FAM184B: variants seen among roughly 807,000 people sequenced by gnomAD.
FAM184B encodes the protein family with sequence similarity 184 member B.
A neutral mutation model predicts 135.9 loss-of-function variants in FAM184B; 111 were observed. The ratio of observed to expected loss-of-function variants is 0.82; its 90% CI spans 0.70 to 0.96. The LOEUF (loss-of-function observed/expected upper bound fraction) is 0.96. Ranked by LOEUF, FAM184B falls within the 40% of genes least tolerant of loss-of-function variation. FAM184B has a pLI of 0.00. For missense variants in FAM184B, 1,375 were observed against 1,323.9 expected (o/e 1.04, Z -0.60); for synonymous variants, 552 against 524.8 (o/e 1.05, Z -0.71).
intron 1 of FAM184B, among the ~76,000 whole-genome samples, chr4:17,755,034 A>AT (rs1432305214): frequency 2.0e-5 from 3 of 151,872 alleles, no homozygotes; most frequent in African/African-American, 7.3e-5. Context: ...CTAATTTTTA[A>AT]TTTTTTTGTA....
At chr4:17,655,686 C>T (rs995921361) in intron 10 of FAM184B, among the ~76,000 whole-genome samples, 2 of 152,194 alleles carry the variant, frequency 1.3e-5, no homozygotes, top group African/African-American at 2.4e-5. Flanking sequence ...TAGAGGTAAG[C>T]TACGTAAGGA....
In FAM184B at chr4:17,629,623, T is replaced by C. The variant is rs1714866244; in HGVS notation, c.*2909A>G. The C allele has an allele frequency of 6.6e-6, 1 of 152,196 alleles. No individual in the cohort carries two copies. The highest frequency in any genetic ancestry group is 1.5e-5 in the Non-Finnish European group (1 of 68,036). The allele number at this position is 152,196 out of a possible 1,614,324, so 9.4% of individuals were successfully genotyped here. On this transcript the variant is annotated 3_prime_UTR_variant, in exon 18 of 18. Coordinates refer to ENST00000265018, the MANE Select transcript of FAM184B (RefSeq NM_015688.2). ...CTGTCATAATACAGCCTGAAGAGAT[T>C]TACCATTAAATACTGTTTTTTTCTC...
Position 17,706,026 on chromosome 4 carries a change from G to A in FAM184B, c.1031-135C>T, listed in dbSNP as rs758197190. 3.4e-6 allele frequency: 4 copies of A among 1,193,636 alleles called. No individual in the cohort carries two copies. In the Admixed American group the frequency reaches 6.7e-5, roughly 20 times the overall value. 73.9% of individuals were successfully genotyped at this position (1,193,636 alleles called of 1,614,324 possible). The stretch of plus-strand genomic sequence containing the variant: ...TCCCCTGTGTAATTCCTGCCCTGTG[G>A]TCTGCTGACCCCGAAGCATGGTCAA... On this transcript the variant is annotated intron_variant, in intron 3 of 17. Transcript: ENST00000265018.
At chr4:17,720,251 G>A (rs1717489643) in intron 1 of FAM184B, among the ~76,000 whole-genome samples, 2 of 152,102 alleles carry the variant, frequency 1.3e-5, no homozygotes, top group African/African-American at 4.8e-5. Context: ...CTTGGATATT[G>A]AACCTGCAGC....
intron 1 of FAM184B, among the ~76,000 whole-genome samples, chr4:17,763,621 T>G (rs1162558078): frequency 2.6e-5 from 4 of 152,220 alleles, no homozygotes; most frequent in Non-Finnish European, 5.9e-5. Context: ...GGCTCTTGTC[T>G]GCTGTATTAA....
Position 17,637,217 on chromosome 4 carries a change from C to T in FAM184B, c.2667-572G>A, listed in dbSNP as rs570610436. Among the ~76,000 whole-genome samples the T allele has an allele frequency of 3.9e-5, 6 of 152,276 alleles. No homozygotes were observed. In the East Asian group the frequency reaches 1.2e-3, roughly 29 times the overall value. On this transcript the variant is annotated intron_variant, in intron 14 of 17. Coordinates refer to ENST00000265018, the MANE Select transcript of FAM184B (RefSeq NM_015688.2). ...GAAATTTTTGTATTTTTAGAGGAGA[C>T]GGGGTTTCACTATGTTGGCCAGGCT... is the stretch of plus-strand genomic sequence containing the variant.
At chr4:17,727,748 G>A (rs1025115481) in intron 1 of FAM184B, among the ~76,000 whole-genome samples, 1 of 152,252 alleles carries the variant, frequency 6.6e-6, no homozygotes. Flanking sequence ...TTCCCACCAA[G>A]TCCTTCCCTT....
intron 7 of FAM184B, among the ~76,000 whole-genome samples, chr4:17,685,803 C>G (rs1234657697): frequency 6.6e-6 from 1 of 152,042 alleles, no homozygotes; most frequent in African/African-American, 2.4e-5. Context: ...CCACACACCC[C>G]GCCAAAACAA....
intron 9 of FAM184B, among the ~76,000 whole-genome samples, chr4:17,659,729 G>GC (rs751324283): frequency 1.4e-4 from 22 of 152,150 alleles, no homozygotes; most frequent in African/African-American, 2.2e-4. Flanking sequence ...CAAGTGATCT[G>GC]CCCCCCTCGG....
intron 14 of FAM184B, 122 bp downstream of exon 14, chr4:17,639,128 T>C (rs1280652809): frequency 6.7e-6 from 7 of 1,040,292 alleles, no homozygotes; most frequent in Non-Finnish European, 9.7e-6. Flanking sequence ...CCACCGTGCC[T>C]GGCCAGAACC....
At chr4:17,723,224 T>G (rs1248514777) in intron 1 of FAM184B, among the ~76,000 whole-genome samples, 1 of 152,234 alleles carries the variant, frequency 6.6e-6, no homozygotes, top group East Asian at 1.9e-4. Flanking sequence ...TCTAACTGAA[T>G]TTTTACTTTT....
chr4:17,653,065 G>A (rs1199400090), intron 10 of FAM184B, 82 bp from the exon 11 acceptor site: 3 of 1,350,626 alleles, frequency 2.2e-6, no homozygotes, highest in African/African-American at 2.9e-5. Flanking sequence ...GCTCTTCTGA[G>A]CCAGGATGCT....
chr4:17,726,943 T>C (rs1717656370), intron 1 of FAM184B, among the ~76,000 whole-genome samples: 1 of 152,170 alleles, frequency 6.6e-6, no homozygotes, highest in Non-Finnish European at 1.5e-5. Context: ...GATTGGCTAA[T>C]TTCAGGTTGC....
intron 10 of FAM184B, among the ~76,000 whole-genome samples, chr4:17,655,551 G>A (rs933122360): frequency 6.6e-6 from 1 of 152,152 alleles, no homozygotes; most frequent in Non-Finnish European, 1.5e-5. Context: ...GTTTCACCCT[G>A]TCTCTCCAAA....
At chr4:17,687,087 G>C (rs549515510) in intron 7 of FAM184B, among the ~76,000 whole-genome samples, 2 of 152,306 alleles carry the variant, frequency 1.3e-5, no homozygotes, top group African/African-American at 4.8e-5. Flanking sequence ...TTGAGTGGGG[G>C]TTATCTCAGA....
intron 5 of FAM184B, among the ~76,000 whole-genome samples, chr4:17,700,918 G>GAA (rs200299009): frequency 6.7e-6 from 1 of 149,884 alleles, no homozygotes; most frequent in African/African-American, 2.5e-5. Flanking sequence ...ATAGAAATAT[G>GAA]AAAAAAAAAT....
intron 1 of FAM184B, among the ~76,000 whole-genome samples, chr4:17,713,354 A>T (rs1204725697): frequency 6.6e-6 from 1 of 152,196 alleles, no homozygotes; most frequent in Non-Finnish European, 1.5e-5. Flanking sequence ...TTCCAGGAAG[A>T]TCCTGCAATG....
intron 1 of FAM184B, among the ~76,000 whole-genome samples, chr4:17,710,932 C>T: frequency 6.6e-6 from 1 of 152,156 alleles, no homozygotes; most frequent in Non-Finnish European, 1.5e-5. Context: ...GATAAATGTC[C>T]AGCGCTCAGA....
intron 1 of FAM184B, among the ~76,000 whole-genome samples, chr4:17,756,895 C>T (rs915895555): frequency 2.0e-5 from 3 of 151,952 alleles, no homozygotes; most frequent in Admixed American, 6.6e-5. Flanking sequence ...CTGCACTCAG[C>T]CTGGGTGATA....
Sources: gnomAD v4.1 joint callset for allele counts (sites outside exome capture counted in the v4.1 genomes callset) on GRCh38, gnomAD v4.1.1 for gene constraint, MANE v1.5 for transcripts, NCBI Gene and HGNC (gene_info 2026-07-23, HGNC 2026-07-21) for gene names.